The following HIVEP1 variants were observed in gnomAD, a reference collection of about 807,000 sequenced individuals.
HIVEP1 encodes the protein HIVEP zinc finger 1, also known as zinc finger protein 40.
HIVEP1 carries 36 observed loss-of-function variants against 180.0 expected under a neutral mutation model. The observed-to-expected ratio is 0.20, with a 90% confidence interval of 0.15 to 0.26. HIVEP1 has a LOEUF of 0.26. HIVEP1 is among the 10% of genes least tolerant of loss of function. HIVEP1 has a pLI of 1.00. For synonymous variants in HIVEP1, 1,239 were observed against 1,239.0 expected (o/e 1.00, Z 0.00); for missense variants, 3,143 against 3,268.7 (o/e 0.96, Z 0.94).
At chr6:12,091,824 ATC>A (rs770750299) in intron 3 of HIVEP1, among the ~76,000 whole-genome samples, 49 of 152,172 alleles carry the variant, frequency 3.2e-4, no homozygotes, top group Admixed American at 1.4e-3. Context: ...TTACAGTGCT[ATC>A]TCCTGATTCT....
the HIVEP1 span, among the ~76,000 whole-genome samples, chr6:12,172,436 T>A: frequency 2.4e-4 from 37 of 151,490 alleles, no homozygotes; most frequent in Non-Finnish European, 4.4e-4. Context: ...AGACCATAAA[T>A]CTCATTCTGA....
At chr6:12,087,205 A>G (rs1773173150) in intron 2 of HIVEP1, among the ~76,000 whole-genome samples, 1 of 152,122 alleles carries the variant, frequency 6.6e-6, no homozygotes, top group African/African-American at 2.4e-5. Context: ...AGAGACTAGT[A>G]TTTTGTAAGC....
the HIVEP1 span, among the ~76,000 whole-genome samples, chr6:12,205,273 C>CAGGAT: frequency 6.6e-6 from 1 of 152,136 alleles, no homozygotes; most frequent in Admixed American, 6.5e-5. Flanking sequence ...ATATCGAGAC[C>CAGGAT]ATCCTGGCTA....
chr6:12,176,907 A>T, the HIVEP1 span, among the ~76,000 whole-genome samples: 2 of 152,236 alleles, frequency 1.3e-5, no homozygotes, highest in Non-Finnish European at 2.9e-5. Context: ...TATGGAATCA[A>T]CCTAATGTGT....
Position 12,130,873 on chromosome 6 carries a change from C to A in HIVEP1, c.6316C>A (p.His2106Asn). 6.2e-7 allele frequency: 1 copy of A among 1,613,208 alleles called. No homozygotes were observed. The highest frequency in any genetic ancestry group is 8.5e-7 in the Non-Finnish European group (1 of 1,179,250). Residue 2106 changes from histidine (H) to asparagine (N), a missense_variant, in exon 6 of 9, where the codon CAC (histidine) becomes AAC (asparagine). Physicochemically the swap from His to Asn is moderately conservative, Grantham distance 68. Transcript: ENST00000379388. ...RCKKPSMLKK[H>N]IRTHTDVRPY... is the part of the protein sequence containing the mutation. ...TAAGAAACCTAGCATGTTAAAGAAA[C>A]ACATACGAACCCATACAGATGTCCG...
upstream of HIVEP1, chr6:12,012,276 C>T (rs1226065506): frequency 6.7e-6 from 1 of 148,244 alleles, no homozygotes; most frequent in Non-Finnish European, 1.5e-5. Context: ...CCGGCCCGCT[C>T]CCCTGTTTAA....
In HIVEP1 at chr6:12,161,444, A is replaced by G; in HGVS notation, c.6493A>G (p.Lys2165Glu). 1 of 1,608,352 alleles carries G rather than the reference A, an allele frequency of 6.2e-7. No individual in the cohort carries two copies. The highest frequency in any genetic ancestry group is 8.5e-7 in the Non-Finnish European group (1 of 1,175,780). The change falls in exon 8 of 9, where the codon AAA (lysine) becomes GAA (glutamate). Residue 2165 changes from lysine (K) to glutamate (E), a missense_variant. Physicochemically the swap from Lys to Glu is moderately conservative, Grantham distance 56. Transcript: ENST00000379388. ...CTCTTGGTTGTTTTTATTAGATGAAAAACAGAGATTCAGTTATGAGCGATC... is the reference window on the plus strand; with the variant it reads ...CTCTTGGTTGTTTTTATTAGATGAAGAACAGAGATTCAGTTATGAGCGATC... ...DEQDTEESDEKQRFSYERSGY... is the reference protein window; with the variant it reads ...DEQDTEESDEEQRFSYERSGY...
the HIVEP1 span, among the ~76,000 whole-genome samples, chr6:12,181,731 T>C: frequency 1.3e-5 from 2 of 152,084 alleles, no homozygotes; most frequent in African/African-American, 4.8e-5. Context: ...TACAGGAAAA[T>C]GTGAATATTA....
Position 12,037,901 on chromosome 6 carries a change from G to A in HIVEP1, c.40+22233G>A, listed in dbSNP as rs187100689. On this transcript the variant is annotated intron_variant, in intron 2 of 8. Transcript: ENST00000379388. ...ACTTTTTTTTTTTGGCGGAGGGGAG[G>A]GGAGTTCCTCACTTTGTTGCCCAGA... The A allele has an allele frequency of 8.7e-4, 342 of 394,864 alleles. 4 individuals carry two copies. The Middle Eastern group carries it at 0.015, about 17-fold the overall frequency. The allele number at this position is 394,864 out of a possible 1,614,324, so 24.5% of individuals were successfully genotyped here.
At chr6:12,161,255 A>C (rs1302916495) in intron 7 of HIVEP1, among the ~76,000 whole-genome samples, 184 bp from the exon 8 acceptor site, 1 of 152,068 alleles carries the variant, frequency 6.6e-6, no homozygotes, top group African/African-American at 2.4e-5. Flanking sequence ...CCTCCTCTGA[A>C]TCCTGATGGC....
intron 7 of HIVEP1, among the ~76,000 whole-genome samples, chr6:12,149,150 C>T (rs767427934): frequency 1.7e-4 from 26 of 152,244 alleles, no homozygotes; most frequent in Non-Finnish European, 3.1e-4. Context: ...GAATATTAGA[C>T]TCAGCATGCT....
intron 2 of HIVEP1, among the ~76,000 whole-genome samples, chr6:12,069,819 G>T (rs1328550910): frequency 6.6e-6 from 1 of 151,664 alleles, no homozygotes; most frequent in Non-Finnish European, 1.5e-5. Flanking sequence ...TTAACTTTTT[G>T]ACTCTTCTAT....
At chr6:12,031,676 A>G (rs567134270) in intron 2 of HIVEP1, among the ~76,000 whole-genome samples, 102 of 152,342 alleles carry the variant, frequency 6.7e-4, no homozygotes, top group East Asian at 2.5e-3. Context: ...AAAAATGCCA[A>G]TGTGCTAGTC....
chr6:12,050,632 G>A lies in HIVEP1; in HGVS notation c.40+34964G>A, dbSNP rs540999152. Among the ~76,000 whole-genome samples the A allele has an allele frequency of 5.1e-4, 77 of 151,350 alleles. No individual in the cohort carries two copies. In the South Asian group the frequency reaches 0.012, roughly 24 times the overall value. ...TTAAACACCATGGGTCCAGCTGGGC[G>A]ACTCCCATCCTCTCCTCAAGAATCA... On this transcript the variant is annotated intron_variant, in intron 2 of 8. Transcript: ENST00000379388.
chr6:12,046,733 C>T (rs901422469), intron 2 of HIVEP1, among the ~76,000 whole-genome samples: 2 of 151,612 alleles, frequency 1.3e-5, no homozygotes, highest in Non-Finnish European at 2.9e-5. Context: ...GAGCTGAGAT[C>T]GTGCCACTGC....
intron 7 of HIVEP1, among the ~76,000 whole-genome samples, chr6:12,142,255 G>GGACAGA (rs1456698075): frequency 6.6e-6 from 1 of 152,166 alleles, no homozygotes; most frequent in African/African-American, 2.4e-5. Flanking sequence ...CAACTACATG[G>GGACAGA]AAACTGAACA....
upstream of HIVEP1, chr6:12,008,335 A>G (rs931116393): frequency 2.0e-5 from 3 of 152,186 alleles, no homozygotes; most frequent in African/African-American, 7.2e-5. Flanking sequence ...GAGATCTAAA[A>G]CCCGAACAAA....
intron 3 of HIVEP1, among the ~76,000 whole-genome samples, chr6:12,097,785 T>C (rs1581675830): frequency 6.6e-6 from 1 of 152,158 alleles, no homozygotes; most frequent in African/African-American, 2.4e-5. Flanking sequence ...TGCATAATGA[T>C]ATAAACAAAG....
chr6:12,052,976 C>T (rs1293808910), intron 2 of HIVEP1, among the ~76,000 whole-genome samples: 1 of 152,200 alleles, frequency 6.6e-6, no homozygotes, highest in Non-Finnish European at 1.5e-5. Flanking sequence ...CGGGGATTCT[C>T]ATCACAGTTT....
Sources: allele counts gnomAD v4.1 joint callset (sites outside exome capture counted in the v4.1 genomes callset), GRCh38; gene constraint gnomAD v4.1.1; transcripts MANE v1.5; gene names NCBI Gene and HGNC (gene_info 2026-07-23, HGNC 2026-07-21).